Variants in TLN2 observed in about 807,000 individuals in gnomAD.
TLN2 encodes the protein talin-2.
TLN2 carries 118 observed loss-of-function variants against 294.7 expected under a neutral mutation model. The ratio of observed to expected loss-of-function variants is 0.40; its 90% CI spans 0.34 to 0.47. The LOEUF is 0.47. Ranked by LOEUF, TLN2 falls within the 20% of genes least tolerant of loss-of-function variation. The probability of loss-of-function intolerance (pLI) is 0.84; values close to 1 mark genes in which losing one functional copy is unlikely to be tolerated. For synonymous variants in TLN2, 1,431 were observed against 1,304.5 expected, an observed-to-expected ratio of 1.10 and a Z score of -2.09; for missense variants, 3,083 against 3,282.2, an observed-to-expected ratio of 0.94 and a Z score of 1.48.
chr15:62,818,466 G>A (rs1278608408), intron 52 of TLN2, among the ~76,000 whole-genome samples: 1 of 152,218 alleles, frequency 6.6e-6, no homozygotes, highest in Non-Finnish European at 1.5e-5. Flanking sequence ...CTCTTATCCT[G>A]TGTCGTGGTT....
chr15:62,419,251 G>T (rs199610050), intron 1 of TLN2, among the ~76,000 whole-genome samples: 1 of 152,192 alleles, frequency 6.6e-6, no homozygotes, highest in Non-Finnish European at 1.5e-5. Flanking sequence ...ATTATTAAAA[G>T]TAATAAGTTC....
At chr15:62,591,564 A>G (rs1174330102) in intron 2 of TLN2, among the ~76,000 whole-genome samples, 2 of 152,200 alleles carry the variant, frequency 1.3e-5, no homozygotes, top group Non-Finnish European at 2.9e-5. Flanking sequence ...TGGTCAAGGT[A>G]AAGACAAAAC....
intron 55 of TLN2, chr15:62,835,324 G>C (rs747354060): frequency 2.0e-5 from 4 of 200,184 alleles, no homozygotes; most frequent in Non-Finnish European, 4.1e-5. Context: ...GGTTTTCAGG[G>C]TCAGTAATCG....
At chr15:62,536,413 T>C (rs1019318857) in intron 1 of TLN2, among the ~76,000 whole-genome samples, 3 of 152,356 alleles carry the variant, frequency 2.0e-5, no homozygotes, top group Non-Finnish European at 4.4e-5. Context: ...TCTTGTTTTT[T>C]CTTCTGTGGC....
At position 62,674,511 on chromosome 15, in the gene TLN2, A is replaced by T. The variant is rs1208664645; in HGVS notation, c.852+621A>T. Among the ~76,000 whole-genome samples, 33 of 143,494 alleles carry T rather than the reference A, an allele frequency of 2.3e-4. 2 individuals carry two copies. In the East Asian group the frequency reaches 3.7e-3, roughly 16 times the overall value. The allele number at this position is 143,494 out of a possible 152,430, so 94.1% of individuals were successfully genotyped here. A position where few individuals can be genotyped will look rare whatever the true frequency, so the allele number is the denominator to read the frequency against. On this transcript the variant is annotated intron_variant, in intron 10 of 58. Transcript: ENST00000636159. Reference sequence around the variant, plus strand: ...TTTACCCTATTCTATGGAAAACGATATTTTTTTTTTTTTTGAGACAGAGCC... The same window carrying T: ...TTTACCCTATTCTATGGAAAACGATTTTTTTTTTTTTTTTGAGACAGAGCC...
At chr15:62,806,003 A>G (rs926479875) in intron 51 of TLN2, among the ~76,000 whole-genome samples, 2 of 152,186 alleles carry the variant, frequency 1.3e-5, no homozygotes, top group African/African-American at 4.8e-5. Flanking sequence ...AGCCTGGGCA[A>G]CATAGTGAGA....
Position 62,817,606 on chromosome 15 carries a change from G to A in TLN2, c.6772-1910G>A, listed in dbSNP as rs539307684. ...GTGTAACCCATTGACTCCTCTCATC[G>A]GTTTTTTTCTAAGCTTTCTTTATAG... On this transcript the variant is annotated intron_variant, in intron 52 of 58. Coordinates refer to ENST00000636159, the MANE Select transcript of TLN2 (RefSeq NM_015059.3). Among the ~76,000 whole-genome samples, 43 of 152,124 alleles carry A rather than the reference G, an allele frequency of 2.8e-4. No individual in the cohort carries two copies. The South Asian group carries it at 8.3e-3, about 29-fold the overall frequency.
At position 62,708,637 on chromosome 15, in the gene TLN2, G is replaced by T. The variant is rs958757595; in HGVS notation, c.2308G>T (p.Val770Phe). ...TACCGATAGTGAGCTCCTGAAGCAG[G>T]TCAGCGCAGCGGCCAGCGTGGTCAG... ...ATTDSELLKQ[V>F]SAAASVVSQA... Residue 770 changes from valine to phenylalanine, a missense_variant, in exon 21 of 59, where the codon GTC becomes TTC. Coordinates refer to ENST00000636159, the MANE Select transcript of TLN2 (RefSeq NM_015059.3). The T allele has an allele frequency of 1.2e-6, 2 of 1,614,228 alleles. No individual in the cohort carries two copies. Among genetic ancestry groups the T allele is most frequent in the Admixed American group, 1.7e-5 (1 of 60,032 alleles).
chr15:62,477,585 C>G (rs2037843610), intron 1 of TLN2, among the ~76,000 whole-genome samples: 1 of 152,114 alleles, frequency 6.6e-6, no homozygotes, highest in Non-Finnish European at 1.5e-5. Context: ...AAATGTTGTG[C>G]TTTTCACATT....
chr15:62,392,700 TC>T (rs1303807548), intron 1 of TLN2, among the ~76,000 whole-genome samples: 1 of 152,126 alleles, frequency 6.6e-6, no homozygotes, highest in African/African-American at 2.4e-5. Context: ...TGTCGGCACT[TC>T]CGGTCTTCTT....
intron 12 of TLN2, among the ~76,000 whole-genome samples, chr15:62,691,704 C>T (rs368769978): frequency 9.1e-4 from 138 of 151,874 alleles, no homozygotes; most frequent in African/African-American, 3.2e-3. Context: ...TTTTTGGAGA[C>T]AGTCTCTCAC....
At chr15:62,605,675 A>C (rs1447263546) in intron 2 of TLN2, among the ~76,000 whole-genome samples, 1 of 152,188 alleles carries the variant, frequency 6.6e-6, no homozygotes, top group African/African-American at 2.4e-5. Flanking sequence ...CTTCTTGTGG[A>C]TAACCGTGTG....
chr15:62,477,115 A>G (rs2037823227), intron 1 of TLN2, among the ~76,000 whole-genome samples: 1 of 152,226 alleles, frequency 6.6e-6, no homozygotes, highest in African/African-American at 2.4e-5. Flanking sequence ...TCCATGAAGA[A>G]AGACGAGATC....
At chr15:62,806,848 C>G (rs572850532) in intron 51 of TLN2, among the ~76,000 whole-genome samples, 2 of 152,212 alleles carry the variant, frequency 1.3e-5, no homozygotes, top group East Asian at 3.9e-4. Context: ...CGTGGGGTCT[C>G]AGGGAGCAGA....
Position 62,491,326 on chromosome 15 carries a change from CAAA to C in TLN2, c.-237-98351_-237-98349del, listed in dbSNP as rs775626928. Among the ~76,000 whole-genome samples, 62 of 99,020 alleles carry C rather than the reference CAAA, an allele frequency of 6.3e-4. 1 individual carries two copies. The South Asian group carries it at 7.5e-3, about 12-fold the overall frequency. 65.0% of individuals were successfully genotyped at this position (99,020 alleles called of 152,430 possible). On this transcript the variant is annotated intron_variant, in intron 1 of 58. Transcript: ENST00000636159. ...TGAGTGACAGAGCAAGACTCTGTCT[CAAA>C]AAAAAAAAATATATATATATATACA...
At chr15:62,811,007 ATC>A (rs1458206472) in intron 52 of TLN2, among the ~76,000 whole-genome samples, 4 of 152,184 alleles carry the variant, frequency 2.6e-5, no homozygotes, top group African/African-American at 9.7e-5. Context: ...CAACAGATTG[ATC>A]TGAGACCCAG....
chr15:62,844,619 T>C lies in TLN2; in HGVS notation c.*4009T>C, dbSNP rs996627429. On this transcript the variant is annotated 3_prime_UTR_variant, in exon 59 of 59. Transcript: ENST00000636159. The stretch of plus-strand genomic sequence containing the variant: ...TTTTTTATTTGCCAGAAATAAACCT[T>C]TAAAGGAACAAACCTGTGTGGAGGA... The C allele has an allele frequency of 1.3e-5, 2 of 152,106 alleles. No individual in the cohort carries two copies. Among genetic ancestry groups the C allele is most frequent in the Non-Finnish European group, 2.9e-5 (2 of 68,024 alleles). 9.4% of individuals were successfully genotyped at this position (152,106 alleles called of 1,614,324 possible). A position where few individuals can be genotyped will look rare whatever the true frequency, so the allele number is the denominator to read the frequency against.
At chr15:62,531,584 T>A (rs1433826892) in intron 1 of TLN2, among the ~76,000 whole-genome samples, 5 of 152,242 alleles carry the variant, frequency 3.3e-5, no homozygotes, top group Non-Finnish European at 7.3e-5. Context: ...AATAAATATT[T>A]GAGGTATTGA....
At chr15:62,670,605 C>T (rs1245168587) in intron 9 of TLN2, among the ~76,000 whole-genome samples, 1 of 152,198 alleles carries the variant, frequency 6.6e-6, no homozygotes, top group Admixed American at 6.5e-5. Flanking sequence ...TGACTGCCTT[C>T]TTTCCCTTAG....
Sources: allele counts gnomAD v4.1 joint callset (sites outside exome capture counted in the v4.1 genomes callset), GRCh38; gene constraint gnomAD v4.1.1; transcripts MANE v1.5; gene names NCBI Gene and HGNC (gene_info 2026-07-23, HGNC 2026-07-21).